The following RECK variants were observed in gnomAD, a reference collection of about 807,000 sequenced individuals.
RECK encodes the protein reversion-inducing cysteine-rich protein with Kazal motifs.
RECK carries 69 observed loss-of-function variants against 115.1 expected under a neutral mutation model. The ratio of observed to expected loss-of-function variants is 0.60; its 90% CI spans 0.49 to 0.73. The LOEUF is 0.73. RECK is among the 30% of genes least tolerant of loss of function. The probability of loss-of-function intolerance (pLI) is 0.00; values close to 1 mark genes in which losing one functional copy is unlikely to be tolerated. For synonymous variants in RECK, 414 were observed against 419.7 expected (o/e 0.99, Z 0.17); for missense variants, 1,047 against 1,203.7 (o/e 0.87, Z 1.93).
chr9:36,057,394 A>G (rs1228165172), intron 2 of RECK, among the ~76,000 whole-genome samples: 1 of 151,922 alleles, frequency 6.6e-6, no homozygotes, highest in South Asian at 2.1e-4. Flanking sequence ...GGGTTTCTCC[A>G]CTTTTTTTGG....
chr9:36,090,711 C>T (rs1397353080), intron 9 of RECK, among the ~76,000 whole-genome samples: 1 of 152,028 alleles, frequency 6.6e-6, no homozygotes, highest in Non-Finnish European at 1.5e-5. Context: ...ACTAATGTAC[C>T]CTAAGTCTAT....
At chr9:36,062,910 A>G (rs1821838325) in intron 4 of RECK, among the ~76,000 whole-genome samples, 1 of 152,094 alleles carries the variant, frequency 6.6e-6, no homozygotes, top group South Asian at 2.1e-4. Flanking sequence ...CAAGGCAAGC[A>G]CATTACCTGA....
At chr9:36,103,419 T>C (rs1823639043) in intron 12 of RECK, among the ~76,000 whole-genome samples, 1 of 152,262 alleles carries the variant, frequency 6.6e-6, no homozygotes, top group Non-Finnish European at 1.5e-5. Context: ...TAATGTACTT[T>C]GTCATCACAA....
intron 10 of RECK, among the ~76,000 whole-genome samples, chr9:36,096,418 T>C (rs1450535849): frequency 6.6e-6 from 1 of 150,434 alleles, no homozygotes; most frequent in Non-Finnish European, 1.5e-5. Flanking sequence ...GCACCTGTAA[T>C]CCCAGCTACT....
At chr9:36,067,943 T>C (rs562404055) in intron 6 of RECK, among the ~76,000 whole-genome samples, 8 of 152,244 alleles carry the variant, frequency 5.3e-5, no homozygotes, top group African/African-American at 1.9e-4. Context: ...AGGTATGTTA[T>C]CAAAAATGCA....
At chr9:36,075,611 G>T (rs1822419355) in intron 6 of RECK, among the ~76,000 whole-genome samples, 1 of 152,106 alleles carries the variant, frequency 6.6e-6, no homozygotes, top group Admixed American at 6.5e-5. Flanking sequence ...AAACATTTAT[G>T]TTTTTAAAGA....
intron 11 of RECK, among the ~76,000 whole-genome samples, chr9:36,101,251 G>A (rs749176722): frequency 2.6e-5 from 4 of 152,120 alleles, no homozygotes; most frequent in Non-Finnish European, 5.9e-5. Flanking sequence ...GCGCCCAGCC[G>A]ACTTTGCTCT....
chr9:36,091,876 A>G (rs560764765), intron 10 of RECK, among the ~76,000 whole-genome samples: 2 of 152,208 alleles, frequency 1.3e-5, no homozygotes, highest in South Asian at 4.1e-4. Context: ...AACCAAAGAA[A>G]ACAGAAGAGG....
At chr9:36,086,422 G>T (rs927424292) in intron 8 of RECK, among the ~76,000 whole-genome samples, 1 of 152,004 alleles carries the variant, frequency 6.6e-6, no homozygotes, top group Non-Finnish European at 1.5e-5. Flanking sequence ...GTGGGTTCGT[G>T]GTCTCGCTGA....
Position 36,037,034 on chromosome 9 carries a change from G to C in RECK, c.36G>C (p.Leu12=). The change falls in exon 1 of 21, where the codon CTG becomes CTC. Residue 12 remains leucine, a synonymous_variant. Transcript: ENST00000377966. ...TCCGGGCCTCTCTGCGAGGTGCGCT[G>C]CTCCTTCTGCTGGCCGTGGCGGGGG... ...ATVRASLRGA[L]LLLLAVAGVA... is the part of the protein sequence containing the mutation. 7.1e-7 allele frequency: 1 copy of C among 1,417,598 alleles called. No homozygotes were observed. The highest frequency in any genetic ancestry group is 9.2e-7 in the Non-Finnish European group (1 of 1,081,842). 87.8% of individuals were successfully genotyped at this position (1,417,598 alleles called of 1,614,324 possible). A position where few individuals can be genotyped will look rare whatever the true frequency, so the allele number is the denominator to read the frequency against.
At chr9:36,097,851 T>C (rs1217573694) in intron 10 of RECK, among the ~76,000 whole-genome samples, 1 of 152,194 alleles carries the variant, frequency 6.6e-6, no homozygotes, top group Non-Finnish European at 1.5e-5. Flanking sequence ...ATTCAGCCTT[T>C]ATAAAGAAGG....
Position 36,094,337 on chromosome 9 carries a change from A to G in RECK, c.1085+2994A>G, listed in dbSNP as rs959747615. ...AGCAAAAAGGATAAGAGAGAGGTAA[A>G]TAATTATACCGTTATAAGTTTCTTA... is the stretch of plus-strand genomic sequence containing the variant. On this transcript the variant is annotated intron_variant, in intron 10 of 20. Coordinates refer to ENST00000377966, the MANE Select transcript of RECK (RefSeq NM_021111.3). This position sits in a 1 kb window ranked among gnomAD's most constrained non-coding sequence, Gnocchi z 4.1. Among the ~76,000 whole-genome samples, 3 of 152,118 alleles carry G rather than the reference A, an allele frequency of 2.0e-5. No individual in the cohort carries two copies. Among genetic ancestry groups the G allele is most frequent in the Non-Finnish European group, 4.4e-5 (3 of 67,976 alleles).
chr9:36,046,208 CATT>C (rs1260854153), intron 1 of RECK, among the ~76,000 whole-genome samples: 2 of 152,106 alleles, frequency 1.3e-5, no homozygotes, highest in African/African-American at 4.8e-5. Context: ...GTCTAGAATT[CATT>C]ATCTTCTCTT....
Position 36,102,075 on chromosome 9 carries a change from C to G in RECK, c.1299-19C>G. On this transcript the variant is annotated intron_variant, in intron 11 of 20. Transcript: ENST00000377966. ...GGAGGTTCCTCAAGCTCTAAACTTACGTGCATTTTTTTTTCAAGATCAGAT... is the reference window on the plus strand; with the variant it reads ...GGAGGTTCCTCAAGCTCTAAACTTAGGTGCATTTTTTTTTCAAGATCAGAT... 6 of 1,606,524 alleles carry G rather than the reference C, an allele frequency of 3.7e-6. No individual in the cohort carries two copies. Among genetic ancestry groups the G allele is most frequent in the Non-Finnish European group, 4.2e-6 (5 of 1,177,156 alleles).
intron 1 of RECK, among the ~76,000 whole-genome samples, chr9:36,051,188 G>A (rs1821286420): frequency 6.6e-6 from 1 of 151,952 alleles, no homozygotes; most frequent in South Asian, 2.1e-4. Flanking sequence ...TTCTTTCCAG[G>A]GATAGTGCCT....
rs746342032 is a variant in RECK, at chr9:36,123,041, A to C, written c.2912A>C (p.Asn971Thr). Residue 971 changes from asparagine to threonine, a missense_variant, in exon 21 of 21, where the codon AAC (asparagine) becomes ACC (threonine). Coordinates refer to ENST00000377966, the MANE Select transcript of RECK (RefSeq NM_021111.3). ...GCCTTGCACTTGCTCTGGACATATA[A>C]CTGACTGCCCACGGAAAGTGCAGAA... ...GLALHLLWTY[N>T] 1 of 1,612,594 alleles carries C rather than the reference A, an allele frequency of 6.2e-7. No homozygotes were observed. The highest frequency in any genetic ancestry group is 8.5e-7 in the Non-Finnish European group (1 of 1,179,058).
chr9:36,087,837 T>C lies in RECK; in HGVS notation c.781T>C (p.Trp261Arg). ...CCAGCCCTTGCCTCAAGATCCTCTT[T>C]GGCAATGTTTTCTTGAAAGCTCACA... ...KTQPLPQDPLWQCFLESSQSV... is the reference protein window; with the variant it reads ...KTQPLPQDPLRQCFLESSQSV... Residue 261 changes from tryptophan to arginine, a missense_variant, in exon 9 of 21, where the codon TGG becomes CGG. Coordinates refer to ENST00000377966, the MANE Select transcript of RECK (RefSeq NM_021111.3). The C allele has an allele frequency of 6.2e-7, 1 of 1,614,028 alleles. No homozygotes were observed. The highest frequency in any genetic ancestry group is 8.5e-7 in the Non-Finnish European group (1 of 1,179,932).
At chr9:36,054,405 A>G (rs1343930418) in intron 2 of RECK, among the ~76,000 whole-genome samples, 1 of 152,028 alleles carries the variant, frequency 6.6e-6, no homozygotes. Flanking sequence ...CATATTCAGC[A>G]AAATATGTGT....
chr9:36,060,202 C>T, intron 4 of RECK, 47 bp downstream of exon 4: 1 of 1,566,186 alleles, frequency 6.4e-7, no homozygotes, highest in Non-Finnish European at 8.8e-7. Context: ...TAAAAACTTA[C>T]TGTGTGAATG....
Sources: gnomAD v4.1 joint callset for allele counts (sites outside exome capture counted in the v4.1 genomes callset) on GRCh38, gnomAD v4.1.1 for gene constraint, Gnocchi (gnomAD v3.1) non-coding constraint, MANE v1.5 for transcripts, NCBI Gene and HGNC (gene_info 2026-07-23, HGNC 2026-07-21) for gene names.